CDH13: variants seen among roughly 807,000 people sequenced by gnomAD.
CDH13 encodes cadherin 13.
A neutral mutation model predicts 63.8 loss-of-function variants in CDH13; 24 were observed. The observed-to-expected ratio is 0.38, with a 90% confidence interval of 0.27 to 0.53. The LOEUF (loss-of-function observed/expected upper bound fraction) is 0.53, where lower values mean the gene tolerates loss of function less well. Among genes scored for constraint, CDH13 ranks in the 20% least tolerant of loss-of-function variants. The pLI, the probability that CDH13 is intolerant of heterozygous loss-of-function variation, is 0.85. For synonymous variants in CDH13, 503 were observed against 355.3 expected, an observed-to-expected ratio of 1.42 and a Z score of -4.67; for missense variants, 1,049 against 903.1, an observed-to-expected ratio of 1.16 and a Z score of -2.07.
At chr16:83,029,845 A>G in intron 2 of CDH13, among the ~76,000 whole-genome samples, 1 of 152,162 alleles carries the variant, frequency 6.6e-6, no homozygotes, top group East Asian at 1.9e-4. Flanking sequence ...ATGTGCTTAT[A>G]TGTGTCTACA....
rs368712979 is a variant in CDH13 at position 83,795,037 on chromosome 16, C to T, written c.*7C>T. The T allele has an allele frequency of 7.0e-5, 112 of 1,591,180 alleles. No homozygotes were observed. The African/African-American group carries it at 1.4e-3, about 20-fold the overall frequency. On this transcript the variant is annotated 3_prime_UTR_variant, in exon 14 of 14. Transcript: ENST00000567109. ...TCTCTATTCAGGTCTGTGAGAACTC[C>T]TGACGTCTGAAGCTTGACTCCCAAG...
chr16:83,119,969 A>G (rs2035490132), intron 3 of CDH13, among the ~76,000 whole-genome samples: 1 of 152,238 alleles, frequency 6.6e-6, no homozygotes, highest in South Asian at 2.1e-4. Flanking sequence ...CCATGGATAA[A>G]TATTCACTGA....
At chr16:83,421,547 A>C (rs1299537252) in intron 6 of CDH13, among the ~76,000 whole-genome samples, 1 of 152,210 alleles carries the variant, frequency 6.6e-6, no homozygotes, top group East Asian at 1.9e-4. Flanking sequence ...ATGAAATGAG[A>C]TGAGAGTGGG....
chr16:82,787,795 A>G (rs1264954898), intron 1 of CDH13, among the ~76,000 whole-genome samples: 1 of 106,366 alleles, frequency 9.4e-6, no homozygotes, highest in African/African-American at 3.1e-5. Flanking sequence ...AAAGTTACGA[A>G]TTAAGTTGTA....
intron 6 of CDH13, among the ~76,000 whole-genome samples, chr16:83,429,162 T>C (rs962761350): frequency 6.6e-6 from 1 of 152,220 alleles, no homozygotes; most frequent in South Asian, 2.1e-4. Flanking sequence ...AGACTTTCTA[T>C]AAGACTGGAT....
intron 7 of CDH13, among the ~76,000 whole-genome samples, chr16:83,583,521 A>G (rs992964043): frequency 6.6e-6 from 1 of 152,244 alleles, no homozygotes; most frequent in Non-Finnish European, 1.5e-5. Flanking sequence ...ACCAGGTCAC[A>G]TGGTCAACGA....
intron 6 of CDH13, among the ~76,000 whole-genome samples, chr16:83,447,096 CTTT>C (rs750432481): frequency 5.3e-3 from 219 of 41,446 alleles, no homozygotes; most frequent in African/African-American, 0.014. Context: ...TTATAGTAAC[CTTT>C]TTTTTTTTTT....
intron 2 of CDH13, among the ~76,000 whole-genome samples, chr16:83,000,220 CTTATTTTTTTTTTTTTTTTTTTTTTTTTT>C (rs937031631): frequency 2.9e-5 from 1 of 33,948 alleles, no homozygotes; most frequent in African/African-American, 1.0e-4. Flanking sequence ...ACAGGTTTAG[CTTATTTTTTTTTTTTTTTTTTTTTTTTTT>C]TTTTTTTTTT....
chr16:83,555,201 A>G (rs564277364), intron 7 of CDH13, among the ~76,000 whole-genome samples: 7 of 152,338 alleles, frequency 4.6e-5, no homozygotes, highest in African/African-American at 1.4e-4. Flanking sequence ...AAGTTGATAT[A>G]CAATGTTTAT....
intron 4 of CDH13, among the ~76,000 whole-genome samples, chr16:83,188,408 T>C (rs914175482): frequency 6.6e-6 from 1 of 152,138 alleles, no homozygotes; most frequent in African/African-American, 2.4e-5. Context: ...TTATTGAGTG[T>C]GGTTGCCTGC....
intron 10 of CDH13, 148 bp downstream of exon 10, chr16:83,678,609 G>T (rs746843268): frequency 3.7e-6 from 4 of 1,075,072 alleles, no homozygotes; most frequent in Non-Finnish European, 5.3e-6. Flanking sequence ...TCATAGAGAG[G>T]AGGTTGTGGC....
intron 12 of CDH13, among the ~76,000 whole-genome samples, chr16:83,781,584 CTGTT>C (rs1915527154): frequency 2.0e-5 from 3 of 151,874 alleles, no homozygotes; most frequent in Non-Finnish European, 4.4e-5. Context: ...TTCTATTTGC[CTGTT>C]TGTCTATTTT....
chr16:83,084,699 G>A (rs1045165575), intron 3 of CDH13, among the ~76,000 whole-genome samples: 2 of 152,028 alleles, frequency 1.3e-5, no homozygotes, highest in Non-Finnish European at 2.9e-5. Flanking sequence ...GACCGGCCTG[G>A]CCAACATGGT....
chr16:82,794,166 T>C (rs1425916262), intron 1 of CDH13, among the ~76,000 whole-genome samples: 1 of 150,806 alleles, frequency 6.6e-6, no homozygotes, highest in Non-Finnish European at 1.5e-5. Context: ...TTTTTGCAAT[T>C]TTTTTTCTTT....
At chr16:82,688,255 G>A (rs907272011) in intron 1 of CDH13, among the ~76,000 whole-genome samples, 1 of 152,228 alleles carries the variant, frequency 6.6e-6, no homozygotes, top group African/African-American at 2.4e-5. Flanking sequence ...GCCCTGCTGG[G>A]CTCCATGTGT....
chr16:83,519,276 C>T (rs1200453168), intron 7 of CDH13, among the ~76,000 whole-genome samples: 2 of 152,156 alleles, frequency 1.3e-5, no homozygotes, highest in African/African-American at 2.4e-5. Flanking sequence ...TGTTTCCGCC[C>T]TAGCATTGGA....
At chr16:83,768,085 T>C (rs1049344580) in intron 11 of CDH13, among the ~76,000 whole-genome samples, 2 of 152,204 alleles carry the variant, frequency 1.3e-5, no homozygotes, top group African/African-American at 4.8e-5. Flanking sequence ...AATAGATAAA[T>C]GTATTATTTT....
chr16:83,778,330 G>T (rs1208280646), intron 11 of CDH13, among the ~76,000 whole-genome samples: 1 of 152,210 alleles, frequency 6.6e-6, no homozygotes. Flanking sequence ...AGGCGTTTGA[G>T]ACCAGACTGA....
intron 7 of CDH13, among the ~76,000 whole-genome samples, chr16:83,538,532 A>G (rs2075238608): frequency 6.6e-6 from 1 of 152,220 alleles, no homozygotes; most frequent in Non-Finnish European, 1.5e-5. Flanking sequence ...AACTTGAGAG[A>G]ACATTTGCAA....
Sources: allele counts gnomAD v4.1 joint callset (sites outside exome capture counted in the v4.1 genomes callset), GRCh38; gene constraint gnomAD v4.1.1; transcripts MANE v1.5; gene names NCBI Gene and HGNC (gene_info 2026-07-23, HGNC 2026-07-21).